Variants in ADA2 observed in about 807,000 individuals in gnomAD.
The protein encoded by ADA2 is adenosine deaminase 2, also known as adenosine deaminase CECR1.
In ADA2, 29 loss-of-function variants were observed where a neutral mutation model predicts 44.2. That is an observed-to-expected ratio of 0.66 (90% confidence interval 0.49 to 0.89). The LOEUF (loss-of-function observed/expected upper bound fraction) is 0.89. Among genes scored for constraint, ADA2 ranks in the 40% least tolerant of loss-of-function variants. ADA2 has a pLI of 0.00. For missense variants in ADA2, 637 were observed against 644.8 expected, an observed-to-expected ratio of 0.99 and a Z score of 0.13; for synonymous variants, 215 against 234.9, an observed-to-expected ratio of 0.92 and a Z score of 0.77.
chr22:17,209,613 G>T lies in ADA2; in HGVS notation c.65C>A (p.Ser22Tyr). The change falls in exon 2 of 10, where the codon TCT (serine) becomes TAT (tyrosine). Residue 22 changes from serine (S) to tyrosine (Y), a missense_variant. Ser to Tyr is a moderately radical substitution (Grantham distance 144, BLOSUM62 -2). Transcript: ENST00000399837. ...LCFLLLAVAM[S>Y]FFGSALSIDE... ...TATGGATAGAGCTGAGCCGAAGAAA[G>T]ACATTGCCACAGCCAACAGCAAGAA... 1 of 1,614,078 alleles carries T rather than the reference G, an allele frequency of 6.2e-7. No homozygotes were observed. The highest frequency in any genetic ancestry group is 8.5e-7 in the Non-Finnish European group (1 of 1,180,038).
At chr22:17,202,783 T>TG (rs1410098214) in intron 4 of ADA2, among the ~76,000 whole-genome samples, 6 of 151,702 alleles carry the variant, frequency 4.0e-5, no homozygotes, top group East Asian at 1.9e-4. Context: ...CTTTTTTTTT[T>TG]TGTGTGTGTG....
chr22:17,207,338 C>G, intron 2 of ADA2, 48 bp from the exon 3 acceptor site: 1 of 1,363,370 alleles, frequency 7.3e-7, no homozygotes, highest in Non-Finnish European at 1.0e-6. Context: ...AAGTCCCATC[C>G]CAGGACTCCA....
intron 3 of ADA2, 115 bp from the exon 4 acceptor site, chr22:17,203,888 C>T: frequency 1.4e-6 from 1 of 693,150 alleles, no homozygotes; most frequent in East Asian, 2.7e-5. Flanking sequence ...ACAGGATTCA[C>T]CCTAGAGTGG....
At chr22:17,212,179 C>T (rs2062426229) in intron 1 of ADA2, among the ~76,000 whole-genome samples, 1 of 151,936 alleles carries the variant, frequency 6.6e-6, no homozygotes, top group African/African-American at 2.4e-5. Flanking sequence ...CACGTGCCAC[C>T]ACGCCCGGCT....
chr22:17,193,560 C>T (rs1212407094), intron 4 of ADA2, among the ~76,000 whole-genome samples: 8 of 149,644 alleles, frequency 5.3e-5, no homozygotes, highest in Non-Finnish European at 7.4e-5. Flanking sequence ...CCCAGCCACT[C>T]GGGAGGCTGA....
Position 17,181,732 on chromosome 22 carries a change from G to A in ADA2, c.1442+88C>T, listed in dbSNP as rs140149635. On this transcript the variant is annotated intron_variant, in intron 9 of 9. Coordinates refer to ENST00000399837, the MANE Select transcript of ADA2 (RefSeq NM_001282225.2). ...TGAGAAGGAACCCACAGGAACCATCGAGGCATCTGCCTCAAGCCTCCAGAG... is the reference window on the plus strand; with the variant it reads ...TGAGAAGGAACCCACAGGAACCATCAAGGCATCTGCCTCAAGCCTCCAGAG... 414 of 1,217,546 alleles carry A rather than the reference G, an allele frequency of 3.4e-4. 1 individual carries two copies. In the African/African-American group the frequency reaches 5.4e-3, roughly 16 times the overall value. The allele number at this position is 1,217,546 out of a possible 1,614,324, so 75.4% of individuals were successfully genotyped here.
chr22:17,200,113 T>C (rs1488478628), intron 4 of ADA2, among the ~76,000 whole-genome samples: 1 of 152,104 alleles, frequency 6.6e-6, no homozygotes, highest in Non-Finnish European at 1.5e-5. Flanking sequence ...GAGAATCACT[T>C]GAATCCGGGA....
chr22:17,193,118 AG>A (rs2062141913), intron 4 of ADA2: 1 of 1,342,040 alleles, frequency 7.5e-7, no homozygotes, highest in Non-Finnish European at 1.0e-6. Context: ...CACGCTGCCC[AG>A]TGGCTTCCAG....
At position 17,207,096 on chromosome 22, in the gene ADA2, G is replaced by A; in HGVS notation, c.517C>T (p.Gln173Ter). The change falls in exon 3 of 10, where the codon CAG becomes TAG. Residue 173 changes from glutamine (Q) to a stop codon, truncating the protein, a stop_gained. Transcript: ENST00000399837. LOFTEE classifies it high-confidence loss of function. ...ILLEDYRKRV[Q>*]NVTEFDDSLL... ...CTGTCATCAAACTCAGTGACGTTCT[G>A]CACCCGCTTCCGATAATCCTCCAGC... is the stretch of plus-strand genomic sequence containing the variant. The A allele has an allele frequency of 3.1e-6, 5 of 1,614,166 alleles. No homozygotes were observed. Among genetic ancestry groups the A allele is most frequent in the Non-Finnish European group, 4.2e-6 (5 of 1,179,994 alleles).
chr22:17,221,807 G>A (rs1310114929), upstream of ADA2: 1 of 152,212 alleles, frequency 6.6e-6, no homozygotes, highest in African/African-American at 2.4e-5. Flanking sequence ...AGGTGCAGGG[G>A]CACCTCATTC....
intron 4 of ADA2, among the ~76,000 whole-genome samples, chr22:17,198,264 G>A (rs1419151612): frequency 6.6e-6 from 1 of 152,104 alleles, no homozygotes; most frequent in African/African-American, 2.4e-5. Flanking sequence ...TCCCACCCCA[G>A]AGCAACCAAA....
At chr22:17,215,375 A>G (rs1218415819) in intron 1 of ADA2, among the ~76,000 whole-genome samples, 11 of 149,020 alleles carry the variant, frequency 7.4e-5, no homozygotes, top group African/African-American at 2.7e-4. Context: ...CCGAGGCAGG[A>G]GGCAGGTGGA....
chr22:17,185,487 A>G (rs920933264), intron 7 of ADA2, among the ~76,000 whole-genome samples: 3 of 152,164 alleles, frequency 2.0e-5, no homozygotes, highest in African/African-American at 7.2e-5. Flanking sequence ...GGTATTAGAT[A>G]CCCAAGTCCT....
chr22:17,203,043 G>A (rs2062309559), intron 4 of ADA2, among the ~76,000 whole-genome samples: 1 of 151,922 alleles, frequency 6.6e-6, no homozygotes, highest in Non-Finnish European at 1.5e-5. Flanking sequence ...CAAAGTGCTG[G>A]GATTACAGGT....
intron 4 of ADA2, chr22:17,193,358 CAAAAAAAAAAAAA>C (rs71200244): frequency 1.1e-4 from 7 of 63,746 alleles, no homozygotes; most frequent in Admixed American, 3.0e-4. Context: ...GTAAAAACTG[CAAAAAAAAAAAAA>C]AAAAAAAAAA....
At chr22:17,198,413 G>A (rs2062221232) in intron 4 of ADA2, among the ~76,000 whole-genome samples, 1 of 152,166 alleles carries the variant, frequency 6.6e-6, no homozygotes, top group Non-Finnish European at 1.5e-5. Flanking sequence ...AGTCGGATGA[G>A]TCCTGTCAAA....
chr22:17,192,421 C>T (rs1156578629), intron 4 of ADA2, among the ~76,000 whole-genome samples: 1 of 152,200 alleles, frequency 6.6e-6, no homozygotes, highest in African/African-American at 2.4e-5. Context: ...GCTTCCCTAA[C>T]TCCAGGTGCA....
chr22:17,188,639 G>A (rs1483007772), intron 6 of ADA2, 192 bp from the exon 7 acceptor site: 5 of 417,352 alleles, frequency 1.2e-5, no homozygotes, highest in Non-Finnish European at 2.2e-5. Context: ...CAGCACTTTG[G>A]GAGGCCGAGG....
At chr22:17,201,389 C>T (rs573573746) in intron 4 of ADA2, among the ~76,000 whole-genome samples, 27 of 152,220 alleles carry the variant, frequency 1.8e-4, no homozygotes, top group African/African-American at 6.0e-4. Context: ...CAGTAAACTT[C>T]GGAGCGTATA....
Sources: gnomAD v4.1 joint callset for allele counts (sites outside exome capture counted in the v4.1 genomes callset) on GRCh38, gnomAD v4.1.1 for gene constraint, MANE v1.5 for transcripts, NCBI Gene and HGNC (gene_info 2026-07-23, HGNC 2026-07-21) for gene names.